ADAMTS6: variants seen among roughly 807,000 people sequenced by gnomAD.
The protein encoded by ADAMTS6 is ADAM metallopeptidase with thrombospondin type 1 motif 6.
ADAMTS6 carries 23 observed loss-of-function variants against 144.3 expected under a neutral mutation model. The ratio of observed to expected loss-of-function variants is 0.16; its 90% CI spans 0.11 to 0.23. The LOEUF (loss-of-function observed/expected upper bound fraction) is 0.23, where lower values mean the gene tolerates loss of function less well. ADAMTS6 is among the 10% of genes least tolerant of loss of function. The probability of loss-of-function intolerance (pLI) is 1.00; values close to 1 mark genes in which losing one functional copy is unlikely to be tolerated. For synonymous variants in ADAMTS6, 444 were observed against 457.5 expected (o/e 0.97, Z 0.38); for missense variants, 999 against 1,379.6 (o/e 0.72, Z 4.37).
intron 9 of ADAMTS6, among the ~76,000 whole-genome samples, chr5:65,328,159 C>T (rs1367488239): frequency 3.9e-5 from 6 of 151,938 alleles, no homozygotes; most frequent in Non-Finnish European, 2.9e-5. Flanking sequence ...TTTAAATTTA[C>T]ACCTAAATCA....
chr5:65,199,178 T>A (rs1755579181), intron 20 of ADAMTS6, among the ~76,000 whole-genome samples: 1 of 152,178 alleles, frequency 6.6e-6, no homozygotes, highest in African/African-American at 2.4e-5. Context: ...ACAAGAACAC[T>A]GGCATCCAAA....
intron 15 of ADAMTS6, among the ~76,000 whole-genome samples, chr5:65,240,029 T>C (rs1759035493): frequency 2.6e-5 from 4 of 152,170 alleles, no homozygotes; most frequent in Admixed American, 2.0e-4. Context: ...TGAAAACATA[T>C]GCTCACAAAA....
chr5:65,320,423 TA>T (rs1420002743), intron 9 of ADAMTS6, among the ~76,000 whole-genome samples: 2 of 152,080 alleles, frequency 1.3e-5, no homozygotes, highest in African/African-American at 4.8e-5. Context: ...AATTTTTAAT[TA>T]AAAATCTTCC....
At chr5:65,436,838 AC>A (rs1757453182) in intron 7 of ADAMTS6, among the ~76,000 whole-genome samples, 1 of 151,536 alleles carries the variant, frequency 6.6e-6, no homozygotes, top group African/African-American at 2.4e-5. Flanking sequence ...AGCCTCGATT[AC>A]AGAGTAAGAC....
intron 7 of ADAMTS6, among the ~76,000 whole-genome samples, chr5:65,348,291 TG>T (rs1389814788): frequency 6.6e-6 from 1 of 152,102 alleles, no homozygotes; most frequent in African/African-American, 2.4e-5. Flanking sequence ...AATGAAAATG[TG>T]TTAATATATA....
chr5:65,403,924 T>G (rs1317955198), intron 7 of ADAMTS6, among the ~76,000 whole-genome samples: 1 of 152,052 alleles, frequency 6.6e-6, no homozygotes, highest in Non-Finnish European at 1.5e-5. Context: ...TATATTTCAG[T>G]GCATAGAATG....
At chr5:65,466,732 A>G (rs1158575383) in intron 3 of ADAMTS6, among the ~76,000 whole-genome samples, 1 of 152,218 alleles carries the variant, frequency 6.6e-6, no homozygotes, top group African/African-American at 2.4e-5. Context: ...ACTGAAGATA[A>G]TCAGTCTTCA....
chr5:65,169,963 C>A (rs2112065972), intron 24 of ADAMTS6, among the ~76,000 whole-genome samples: 1 of 151,492 alleles, frequency 6.6e-6, no homozygotes, highest in Non-Finnish European at 1.5e-5. Flanking sequence ...GTGCAGCGCA[C>A]CAGCATGGCA....
At chr5:65,476,083 G>A (rs1760822497) in intron 1 of ADAMTS6, among the ~76,000 whole-genome samples, 1 of 152,146 alleles carries the variant, frequency 6.6e-6, no homozygotes, top group Admixed American at 6.5e-5. Context: ...TCCCTAATTG[G>A]TTTAGATGAA....
intron 18 of ADAMTS6, among the ~76,000 whole-genome samples, chr5:65,221,421 C>G (rs1234963117): frequency 6.6e-6 from 1 of 152,156 alleles, no homozygotes; most frequent in Non-Finnish European, 1.5e-5. Flanking sequence ...TAGATTCAGA[C>G]ATCTTCAATA....
At chr5:65,340,844 A>C (rs1056812828) in intron 7 of ADAMTS6, among the ~76,000 whole-genome samples, 2 of 152,018 alleles carry the variant, frequency 1.3e-5, no homozygotes, top group African/African-American at 4.8e-5. Flanking sequence ...AAAGAGACAA[A>C]GTATTATTTA....
In ADAMTS6 at chr5:65,172,841, G is replaced by A. The variant is rs376868130; in HGVS notation, c.3078C>T (p.Asp1026=). 2.5e-5 allele frequency: 41 copies of A among 1,613,794 alleles called. No individual in the cohort carries two copies. Among genetic ancestry groups the A allele is most frequent in the Non-Finnish European group, 3.3e-5 (39 of 1,179,900 alleles). ...RCPPPRWVTG[D]WGQCSAQCGL... ...AGTACAAACGCCTTACCTGGCCCCA[G>A]TCTCCTGTGACCCAGCGAGGAGGAG... The change falls in exon 23 of 25, where the codon GAC becomes GAT. Residue 1026 remains aspartate, a synonymous_variant. Transcript: ENST00000381055.
intron 4 of ADAMTS6, among the ~76,000 whole-genome samples, chr5:65,458,703 C>T (rs748068036): frequency 1.3e-5 from 2 of 152,208 alleles, no homozygotes; most frequent in Non-Finnish European, 2.9e-5. Flanking sequence ...AGCCACTGCA[C>T]CCGGCCAACC....
At chr5:65,357,100 C>T (rs554660029) in intron 7 of ADAMTS6, among the ~76,000 whole-genome samples, 12 of 151,618 alleles carry the variant, frequency 7.9e-5, no homozygotes, top group African/African-American at 2.7e-4. Flanking sequence ...GACTCAAAAA[C>T]TGTGTAAAAC....
chr5:65,350,113 C>G (rs183536701), intron 7 of ADAMTS6, among the ~76,000 whole-genome samples: 3 of 151,792 alleles, frequency 2.0e-5, no homozygotes, highest in Admixed American at 2.0e-4. Context: ...AGATGAATGC[C>G]CTTTGAGCTC....
chr5:65,230,472 G>A, intron 15 of ADAMTS6, among the ~76,000 whole-genome samples: 2 of 9,606 alleles, frequency 2.1e-4, no homozygotes, highest in Admixed American at 1.9e-3. Flanking sequence ...TGATATATAT[G>A]AAATATATAT....
chr5:65,229,185 T>G (rs1380300355), intron 15 of ADAMTS6, among the ~76,000 whole-genome samples: 3 of 152,132 alleles, frequency 2.0e-5, no homozygotes, highest in Non-Finnish European at 4.4e-5. Flanking sequence ...CTGGTCCAGC[T>G]TTGTGGAATT....
At chr5:65,370,784 A>G (rs1459510533) in intron 7 of ADAMTS6, among the ~76,000 whole-genome samples, 3 of 152,352 alleles carry the variant, frequency 2.0e-5, no homozygotes, top group South Asian at 4.1e-4. Flanking sequence ...CAGCTCAAGG[A>G]GGCCTGCCTG....
chr5:65,463,999 A>G (rs1038014725), intron 3 of ADAMTS6, among the ~76,000 whole-genome samples: 9 of 152,168 alleles, frequency 5.9e-5, no homozygotes, highest in Middle Eastern at 3.2e-3. Flanking sequence ...TCATGCCATG[A>G]TCTTCTCCCT....
Sources: allele counts gnomAD v4.1 joint callset (sites outside exome capture counted in the v4.1 genomes callset), GRCh38; gene constraint gnomAD v4.1.1; transcripts MANE v1.5; gene names NCBI Gene and HGNC (gene_info 2026-07-23, HGNC 2026-07-21).